ZNF227: variants seen among roughly 807,000 people sequenced by gnomAD.
The protein encoded by ZNF227 is zinc finger protein 227.
ZNF227 carries 12 observed loss-of-function variants against 13.2 expected under a neutral mutation model. The ratio of observed to expected loss-of-function variants is 0.91; its 90% confidence interval spans 0.58 to 1.47. The LOEUF is 1.47. Ranked by LOEUF, ZNF227 falls within the 40% of genes most tolerant of loss-of-function variation. ZNF227 has a pLI of 0.00. For missense variants in ZNF227, 885 were observed against 967.5 expected, an observed-to-expected ratio of 0.91 and a Z score of 1.13; for synonymous variants, 338 against 326.0, an observed-to-expected ratio of 1.04 and a Z score of -0.40.
At chr19:44,212,731 C>G (rs1411363766) in intron 1 of ZNF227, 146 bp downstream of exon 1, 5 of 152,358 alleles carry the variant, frequency 3.3e-5, no homozygotes, top group African/African-American at 1.2e-4. Context: ...GTTTGCTCTC[C>G]TCCCGCACTT....
intron 5 of ZNF227, among the ~76,000 whole-genome samples, chr19:44,234,297 T>G (rs961450927): frequency 3.3e-5 from 5 of 152,204 alleles, no homozygotes; most frequent in African/African-American, 1.2e-4. Flanking sequence ...CAGTCTGAAC[T>G]TTTCTTAACC....
chr19:44,211,239 A>C (rs76804559), upstream of ZNF227, among the ~76,000 whole-genome samples: 1 of 143,154 alleles, frequency 7.0e-6, no homozygotes, highest in African/African-American at 2.5e-5. Context: ...AAAACAGAAC[A>C]AAAAAAAAAA....
At position 44,215,447 on chromosome 19, in the gene ZNF227, A is replaced by G. The variant is rs575708200; in HGVS notation, c.-3+2203A>G. 3.1e-3 allele frequency among the ~76,000 whole-genome samples: 417 copies of G among 135,340 alleles called. 1 individual carries two copies. The highest frequency in any genetic ancestry group is 4.9e-3 in the Non-Finnish European group (296 of 60,914). 88.8% of individuals were successfully genotyped at this position (135,340 alleles called of 152,430 possible). On this transcript the variant is annotated intron_variant, in intron 2 of 5. Coordinates refer to ENST00000313040, the MANE Select transcript of ZNF227 (RefSeq NM_182490.3). Reference sequence around the variant, plus strand: ...TTTCGTAGTGTCTTTTAGAATATATATGTATAATTTTTTTTTTTTTAGTGC... The same window carrying G: ...TTTCGTAGTGTCTTTTAGAATATATGTGTATAATTTTTTTTTTTTTAGTGC...
At chr19:44,219,391 T>C (rs970280613) in intron 3 of ZNF227, among the ~76,000 whole-genome samples, 1 of 152,188 alleles carries the variant, frequency 6.6e-6, no homozygotes, top group African/African-American at 2.4e-5. Context: ...CGGTGGCATA[T>C]ACTTAAACAT....
At chr19:44,215,454 ATT>A (rs34991562) in intron 2 of ZNF227, among the ~76,000 whole-genome samples, 4 of 144,228 alleles carry the variant, frequency 2.8e-5, no homozygotes, top group Admixed American at 6.9e-5. Context: ...TATATGTATA[ATT>A]TTTTTTTTTT....
At position 44,236,465 on chromosome 19, in the gene ZNF227, CAG is replaced by C; in HGVS notation, c.2040_2041del (p.Gly681ProfsTer10). On this transcript the variant is annotated frameshift_variant, in exon 6 of 6. Transcript: ENST00000313040. LOFTEE classifies it low-confidence loss of function (END_TRUNC). ...FRYSSQFIYH[Q>X]RGHTGEKPYK... The stretch of plus-strand genomic sequence containing the variant: ...ATACAGTTCGCAGTTTATATACCAT[CAG>C]AGAGGCCACACTGGAGAAAAACCTT... The C allele has an allele frequency of 6.2e-7, 1 of 1,613,948 alleles. No homozygotes were observed. The highest frequency in any genetic ancestry group is 8.5e-7 in the Non-Finnish European group (1 of 1,180,002).
In ZNF227 at chr19:44,234,196, A is replaced by G. The variant is rs1488463723; in HGVS notation, c.272-506A>G. 2.0e-5 allele frequency among the ~76,000 whole-genome samples: 3 copies of G among 152,200 alleles called. No individual in the cohort carries two copies. The East Asian group carries it at 5.8e-4, about 29-fold the overall frequency. On this transcript the variant is annotated intron_variant, in intron 5 of 5. Transcript: ENST00000313040. ...TTGTCCAGAGACCTGGATTTCTACC[A>G]GGTTTTAGAACAATCATATTATTCC...
chr19:44,230,404 A>G (rs571388851), intron 5 of ZNF227, among the ~76,000 whole-genome samples: 1 of 152,262 alleles, frequency 6.6e-6, no homozygotes, highest in South Asian at 2.1e-4. Flanking sequence ...AAGTCCTTGT[A>G]CTGAACTGCA....
rs58952117 is a variant in ZNF227, at chr19:44,230,926, AATATATATAT to A, written c.271+1129_271+1138del. Among the ~76,000 whole-genome samples, 7 of 68,134 alleles carry A rather than the reference AATATATATAT, an allele frequency of 1.0e-4. 1 individual carries two copies. Among genetic ancestry groups the A allele is most frequent in the African/African-American group, 5.9e-4 (6 of 10,230 alleles). The allele number at this position is 68,134 out of a possible 152,430, so 44.7% of individuals were successfully genotyped here. On this transcript the variant is annotated intron_variant, in intron 5 of 5. Coordinates refer to ENST00000313040, the MANE Select transcript of ZNF227 (RefSeq NM_182490.3). The stretch of plus-strand genomic sequence containing the variant: ...ATCTCTACAAAAAAAAAAAAAAAAA[AATATATATAT>A]ATATATATATATATATATCTTAGCC...
In ZNF227 at chr19:44,236,262, A is replaced by G; in HGVS notation, c.1832A>G (p.Lys611Arg). The change falls in exon 6 of 6, where the codon AAG becomes AGG. Residue 611 changes from lysine (K) to arginine (R), a missense_variant. Lys to Arg is a conservative substitution (Grantham distance 26). Transcript: ENST00000313040. ...CCCTATAAATGTGAGCAGTGTGATA[A>G]GAGCTTCAGTCAGGCCATAGATTTT... ...EKPYKCEQCD[K>R]SFSQAIDFRV... is the part of the protein sequence containing the mutation. The G allele has an allele frequency of 6.2e-7, 1 of 1,614,144 alleles. No individual in the cohort carries two copies. The highest frequency in any genetic ancestry group is 8.5e-7 in the Non-Finnish European group (1 of 1,180,012).
At chr19:44,217,520 C>T (rs1972016885) in intron 2 of ZNF227, 1 of 642,920 alleles carries the variant, frequency 1.6e-6, no homozygotes. Context: ...GACTTGAGAG[C>T]CCTCATATGT....
chr19:44,229,231 TGAGA>T (rs1363957124), intron 4 of ZNF227: 2 of 152,260 alleles, frequency 1.3e-5, no homozygotes, highest in African/African-American at 4.8e-5. Flanking sequence ...AAGTATAACT[TGAGA>T]GAGAGATATA....
In ZNF227 at chr19:44,236,142, C is replaced by G; in HGVS notation, c.1712C>G (p.Thr571Ser). ...SNLKLHQVIH[T>S]GEKPYKCEEC... is the part of the protein sequence containing the mutation. The stretch of plus-strand genomic sequence containing the variant: ...CTTAAACTACACCAAGTAATTCACA[C>G]TGGAGAAAAACCATATAAATGTGAG... Residue 571 changes from threonine (T) to serine (S), a missense_variant, in exon 6 of 6, where the codon ACT (threonine) becomes AGT (serine). By Grantham distance (58) the Thr-to-Ser change is moderately conservative. Coordinates refer to ENST00000313040, the MANE Select transcript of ZNF227 (RefSeq NM_182490.3). 8 of 1,614,098 alleles carry G rather than the reference C, an allele frequency of 5.0e-6. No homozygotes were observed. The highest frequency in any genetic ancestry group is 6.8e-6 in the Non-Finnish European group (8 of 1,180,004).
chr19:44,231,114 AT>A (rs933641893), intron 5 of ZNF227, among the ~76,000 whole-genome samples: 406 of 141,840 alleles, frequency 2.9e-3, no homozygotes, highest in African/African-American at 5.0e-3. Flanking sequence ...GATGATGTGA[AT>A]TTTTTTTTTT....
chr19:44,215,981 T>G (rs570719386), intron 2 of ZNF227, among the ~76,000 whole-genome samples: 2 of 103,336 alleles, frequency 1.9e-5, no homozygotes, highest in Non-Finnish European at 3.4e-5. Flanking sequence ...AGAGCGAAAC[T>G]CTCTCTCTAA....
chr19:44,227,392 C>G (rs943975942), intron 3 of ZNF227: 2 of 152,028 alleles, frequency 1.3e-5, no homozygotes, highest in Admixed American at 6.6e-5. Context: ...ATTACAGACG[C>G]ACATCACCAC....
intron 2 of ZNF227, among the ~76,000 whole-genome samples, chr19:44,213,942 G>A (rs1053113795): frequency 6.6e-6 from 1 of 152,188 alleles, no homozygotes; most frequent in Admixed American, 6.5e-5. Flanking sequence ...TAAGCCATGT[G>A]TGCCCTAGGA....
intron 3 of ZNF227, among the ~76,000 whole-genome samples, chr19:44,225,262 C>A (rs1028030284): frequency 1.4e-5 from 2 of 144,124 alleles, no homozygotes; most frequent in African/African-American, 5.2e-5. Context: ...TTGCTCTTCT[C>A]GAGGAGTATC....
upstream of ZNF227, among the ~76,000 whole-genome samples, chr19:44,208,645 G>A (rs1214172850): frequency 1.3e-5 from 2 of 152,224 alleles, no homozygotes. Context: ...AAAACGTACA[G>A]TTAGTAAGAG....
Sources: gnomAD v4.1 joint callset for allele counts (sites outside exome capture counted in the v4.1 genomes callset) on GRCh38, gnomAD v4.1.1 for gene constraint, MANE v1.5 for transcripts, NCBI Gene and HGNC (gene_info 2026-07-23, HGNC 2026-07-21) for gene names.